CSMD1: variants seen among roughly 807,000 people sequenced by gnomAD.
CSMD1 encodes CUB and sushi domain-containing protein 1.
CSMD1 carries 213 observed loss-of-function variants against 417.5 expected under a neutral mutation model. That is an observed-to-expected ratio of 0.51 (90% CI 0.46 to 0.57). CSMD1 has a LOEUF of 0.57. CSMD1 is among the 20% of genes least tolerant of loss of function. The probability of loss-of-function intolerance (pLI) is 0.00; values close to 1 mark genes in which losing one functional copy is unlikely to be tolerated. For synonymous variants in CSMD1, 2,862 were observed against 1,736.8 expected (o/e 1.65, Z -16.11); for missense variants, 6,923 against 4,529.7 (o/e 1.53, Z -15.17).
At chr8:4,246,129 T>C (rs1802695162) in intron 3 of CSMD1, among the ~76,000 whole-genome samples, 2 of 152,172 alleles carry the variant, frequency 1.3e-5, no homozygotes, top group African/African-American at 4.8e-5. Flanking sequence ...ATCACCCAGA[T>C]ATTAAGCCTA....
chr8:3,643,561 C>T (rs1374244446), intron 7 of CSMD1, among the ~76,000 whole-genome samples: 1 of 151,900 alleles, frequency 6.6e-6, no homozygotes, highest in Non-Finnish European at 1.5e-5. Flanking sequence ...ATTGGCCGGG[C>T]GTGGTGGCGG....
At chr8:3,516,692 T>C (rs949446546) in intron 10 of CSMD1, among the ~76,000 whole-genome samples, 2 of 152,184 alleles carry the variant, frequency 1.3e-5, no homozygotes, top group African/African-American at 4.8e-5. Context: ...TTTGGTTACA[T>C]GAGAAAGTTC....
chr8:4,884,869 A>C (rs984604926), intron 1 of CSMD1, among the ~76,000 whole-genome samples: 1 of 151,996 alleles, frequency 6.6e-6, no homozygotes, highest in African/African-American at 2.4e-5. Context: ...TTCAACATAA[A>C]TTTTAGGGTC....
chr8:3,067,612 T>C (rs1172871461), intron 49 of CSMD1, among the ~76,000 whole-genome samples: 2 of 149,518 alleles, frequency 1.3e-5, no homozygotes, highest in African/African-American at 2.4e-5. Flanking sequence ...ATATAGTATA[T>C]AATATATAAA....
intron 3 of CSMD1, among the ~76,000 whole-genome samples, chr8:4,167,813 G>C (rs912904127): frequency 7.2e-5 from 11 of 152,204 alleles, no homozygotes; most frequent in Admixed American, 4.6e-4. Context: ...AACATACTCA[G>C]ACTCCATCTC....
intron 5 of CSMD1, among the ~76,000 whole-genome samples, chr8:3,814,326 A>T (rs1007546227): frequency 6.6e-6 from 1 of 152,198 alleles, no homozygotes; most frequent in South Asian, 2.1e-4. Flanking sequence ...TGCAAACCAG[A>T]GCCAGTTATC....
intron 23 of CSMD1, among the ~76,000 whole-genome samples, chr8:3,335,349 T>C (rs1363431376): frequency 3.3e-5 from 5 of 152,054 alleles, no homozygotes; most frequent in African/African-American, 1.2e-4. Flanking sequence ...GTGGTGTGTG[T>C]CCCAACGACA....
intron 3 of CSMD1, among the ~76,000 whole-genome samples, chr8:4,329,477 G>A (rs972480774): frequency 4.6e-5 from 7 of 152,018 alleles, no homozygotes; most frequent in Admixed American, 6.6e-5. Context: ...CAGGATAGAC[G>A]GCATTTCACC....
intron 29 of CSMD1, among the ~76,000 whole-genome samples, chr8:3,214,921 A>T (rs1797801318): frequency 6.6e-6 from 1 of 152,236 alleles, no homozygotes; most frequent in African/African-American, 2.4e-5. Context: ...TTTAAAAACC[A>T]CATTTTGCTA....
chr8:3,557,328 C>T (rs1563150898), intron 10 of CSMD1, among the ~76,000 whole-genome samples: 1 of 152,182 alleles, frequency 6.6e-6, no homozygotes. Flanking sequence ...GGCAGACCAT[C>T]GCTGCCTCTC....
intron 1 of CSMD1, among the ~76,000 whole-genome samples, chr8:4,885,221 A>C (rs1803659372): frequency 6.6e-6 from 1 of 152,198 alleles, no homozygotes; most frequent in Admixed American, 6.5e-5. Flanking sequence ...TAGATATAAT[A>C]GTTTTTTAAT....
intron 3 of CSMD1, among the ~76,000 whole-genome samples, chr8:4,416,369 A>C (rs1291627920): frequency 6.6e-6 from 1 of 152,154 alleles, no homozygotes; most frequent in African/African-American, 2.4e-5. Flanking sequence ...CATAAAAGCT[A>C]GATTTTAAAA....
Position 3,751,320 on chromosome 8 carries a change from G to GTGTT in CSMD1, c.931+2609_931+2610insAACA, listed in dbSNP as rs1228643455. ...TTGAAGTGTGTGTGTGTGTGTGTGT[G>GTGTT]TGTGTGTATATATATATATATACAC... On this transcript the variant is annotated intron_variant, in intron 6 of 69. Coordinates refer to ENST00000635120, the MANE Select transcript of CSMD1 (RefSeq NM_033225.6). Among the ~76,000 whole-genome samples the GTGTT allele has an allele frequency of 9.6e-5, 14 of 146,078 alleles. No individual in the cohort carries two copies. The East Asian group carries it at 2.8e-3, about 29-fold the overall frequency.
chr8:3,907,826 T>G (rs1808212290), intron 5 of CSMD1, among the ~76,000 whole-genome samples: 1 of 152,200 alleles, frequency 6.6e-6, no homozygotes, highest in Admixed American at 6.5e-5. Context: ...TCTTCCGTAG[T>G]TCTTCTCATC....
chr8:3,965,865 C>T (rs1470518976), intron 5 of CSMD1, among the ~76,000 whole-genome samples: 1 of 152,128 alleles, frequency 6.6e-6, no homozygotes, highest in East Asian at 1.9e-4. Context: ...ACTGTGCCAG[C>T]CTTGGCCTTT....
intron 2 of CSMD1, among the ~76,000 whole-genome samples, chr8:4,466,235 A>G (rs774970368): frequency 5.3e-5 from 8 of 152,164 alleles, no homozygotes; most frequent in Non-Finnish European, 8.8e-5. Flanking sequence ...TCTCCTGGCT[A>G]TCCTTCCCAG....
At chr8:4,966,800 C>T (rs901515524) in intron 1 of CSMD1, among the ~76,000 whole-genome samples, 7 of 152,240 alleles carry the variant, frequency 4.6e-5, no homozygotes, top group African/African-American at 9.6e-5. Context: ...CTGTAAAAAT[C>T]CAAAGAATTT....
intron 15 of CSMD1, among the ~76,000 whole-genome samples, chr8:3,401,920 G>T (rs904733589): frequency 1.3e-5 from 2 of 150,592 alleles, no homozygotes; most frequent in Non-Finnish European, 3.0e-5. Flanking sequence ...ATATACCAAT[G>T]AGCCAATGAG....
chr8:4,323,089 G>GA (rs71534391), intron 3 of CSMD1, among the ~76,000 whole-genome samples: 28,055 of 152,144 alleles, frequency 0.18, 3,061 homozygotes, highest in South Asian at 0.37. Flanking sequence ...CGAAGGAATG[G>GA]AAAAATCATA....
Sources: allele counts gnomAD v4.1 joint callset (sites outside exome capture counted in the v4.1 genomes callset), GRCh38; gene constraint gnomAD v4.1.1; transcripts MANE v1.5; gene names NCBI Gene and HGNC (gene_info 2026-07-23, HGNC 2026-07-21).